Variants in DRC1 observed in about 807,000 individuals in gnomAD.
DRC1 encodes dynein regulatory complex protein 1.
DRC1 carries 74 observed loss-of-function variants against 98.7 expected under a neutral mutation model. The observed-to-expected ratio is 0.75, with a 90% confidence interval of 0.62 to 0.91. DRC1 has a LOEUF of 0.91. Ranked by LOEUF, DRC1 falls within the 40% of genes least tolerant of loss-of-function variation. DRC1 has a pLI of 0.00. For synonymous variants in DRC1, 336 were observed against 334.1 expected (o/e 1.01, Z -0.06); for missense variants, 875 against 886.0 (o/e 0.99, Z 0.16).
intron 10 of DRC1, among the ~76,000 whole-genome samples, chr2:26,445,918 A>G (rs1663839014): frequency 6.6e-6 from 1 of 151,950 alleles, no homozygotes; most frequent in Non-Finnish European, 1.5e-5. Flanking sequence ...TCAGCCTCCC[A>G]AAAGGCTGGA....
chr2:26,402,757 A>T (rs1216280885), intron 1 of DRC1, among the ~76,000 whole-genome samples: 1 of 152,224 alleles, frequency 6.6e-6, no homozygotes, highest in Admixed American at 6.5e-5. Flanking sequence ...ATGACATGGC[A>T]GTCCCTGGGC....
In DRC1 at chr2:26,402,092, C is replaced by CA; in HGVS notation, c.103_104insA (p.Arg35GlnfsTer32). ...GGTCCACTCCGACAACTCTCAGGAG[C>CA]GCATCCAGGCCCGGCGCCTCCGCAT... is the stretch of plus-strand genomic sequence containing the variant. On this transcript the variant is annotated frameshift_variant, in exon 1 of 17. Transcript: ENST00000288710. LOFTEE classifies it high-confidence loss of function. 6.2e-7 allele frequency: 1 copy of CA among 1,612,684 alleles called. No homozygotes were observed. Among genetic ancestry groups the CA allele is most frequent in the Non-Finnish European group, 8.5e-7 (1 of 1,179,608 alleles).
intron 1 of DRC1, among the ~76,000 whole-genome samples, chr2:26,408,875 G>C (rs1351340005): frequency 6.6e-6 from 1 of 152,122 alleles, no homozygotes; most frequent in Non-Finnish European, 1.5e-5. Context: ...CAGTTGTTAA[G>C]CCACACCCTT....
chr2:26,453,276 C>A, intron 13 of DRC1, 44 bp from the exon 14 acceptor site: 5 of 1,607,588 alleles, frequency 3.1e-6, no homozygotes, highest in Non-Finnish European at 4.3e-6. Context: ...CATGCTCATG[C>A]TCGTGTGTCC....
intron 4 of DRC1, among the ~76,000 whole-genome samples, chr2:26,428,807 A>C (rs1256684062): frequency 2.0e-5 from 3 of 152,190 alleles, no homozygotes; most frequent in Non-Finnish European, 4.4e-5. Flanking sequence ...CAAAAAAAAA[A>C]AATACCGTAT....
intron 1 of DRC1, among the ~76,000 whole-genome samples, chr2:26,407,286 C>T (rs1047448588): frequency 1.3e-5 from 2 of 152,094 alleles, no homozygotes; most frequent in Non-Finnish European, 2.9e-5. Flanking sequence ...ATTGTGGATG[C>T]TGGGAAGCAC....
chr2:26,435,724 T>C (rs1663551946), intron 7 of DRC1, among the ~76,000 whole-genome samples: 1 of 152,198 alleles, frequency 6.6e-6, no homozygotes, highest in South Asian at 2.1e-4. Flanking sequence ...GCTCCAATTA[T>C]GTTGCTGCAA....
At position 26,453,451 on chromosome 2, in the gene DRC1, G is replaced by A. The variant is rs1249788161; in HGVS notation, c.1821G>A (p.Lys607=). The part of the protein sequence containing the change: ...EKEESLVEGE[K]EEEEETPPSP... Reference sequence around the variant, plus strand: ...AAGAAAGCCTGGTGGAAGGGGAGAAGGAGGAAGAGGAGGAGACCCCACCCT... The same window carrying A: ...AAGAAAGCCTGGTGGAAGGGGAGAAAGAGGAAGAGGAGGAGACCCCACCCT... The change falls in exon 14 of 17, where the codon AAG becomes AAA. Residue 607 remains lysine (K), a synonymous_variant. Transcript: ENST00000288710. 2 of 1,614,158 alleles carry A rather than the reference G, an allele frequency of 1.2e-6. No homozygotes were observed. Among genetic ancestry groups the A allele is most frequent in the Admixed American group, 1.7e-5 (1 of 60,004 alleles).
At position 26,414,338 on chromosome 2, in the gene DRC1, TCACAGGGAAG is replaced by T. The variant is rs1160871768; in HGVS notation, c.156-2_163del. On this transcript the variant is annotated splice_acceptor_variant and splice_polypyrimidine_tract_variant and coding_sequence_variant and intron_variant, in exon 2 of 17. Coordinates refer to ENST00000288710, the MANE Select transcript of DRC1 (RefSeq NM_145038.5). LOFTEE classifies it high-confidence loss of function. ...ACTTCATTTTCTCTGCTTTTTTCCATCACAGGGAAGCACTTGGAGAATATTTAGATGGGAA... is the reference window on the plus strand; with the variant it reads ...ACTTCATTTTCTCTGCTTTTTTCCATCACTTGGAGAATATTTAGATGGGAA... 1 of 1,613,470 alleles carries T rather than the reference TCACAGGGAAG, an allele frequency of 6.2e-7. No individual in the cohort carries two copies.
rs1475889353 is a variant in DRC1, at chr2:26,444,967, T to A, written c.1396+19T>A. On this transcript the variant is annotated intron_variant, in intron 10 of 16. Transcript: ENST00000288710. Reference sequence around the variant, plus strand: ...CGCTCAGGTGACTAGAACACTGTCATAGAGCCTTAGAGCTGGAGGAGCCCC... The same window carrying A: ...CGCTCAGGTGACTAGAACACTGTCAAAGAGCCTTAGAGCTGGAGGAGCCCC... The A allele has an allele frequency of 5.0e-6, 8 of 1,609,356 alleles. No homozygotes were observed. Among genetic ancestry groups the A allele is most frequent in the East Asian group, 4.5e-5 (2 of 44,812 alleles).
In DRC1 at chr2:26,411,303, T is replaced by C. The variant is rs572566394; in HGVS notation, c.156-3041T>C. Among the ~76,000 whole-genome samples the C allele has an allele frequency of 9.8e-5, 15 of 152,354 alleles. No homozygotes were observed. The South Asian group carries it at 2.9e-3, about 29-fold the overall frequency. The stretch of plus-strand genomic sequence containing the variant: ...GTAAAAACAGAACAGGTGAAATTAA[T>C]AATTTATTTAACCCAATATATAAAA... On this transcript the variant is annotated intron_variant, in intron 1 of 16. Coordinates refer to ENST00000288710, the MANE Select transcript of DRC1 (RefSeq NM_145038.5).
intron 2 of DRC1, among the ~76,000 whole-genome samples, chr2:26,417,689 A>G (rs1468614439): frequency 6.6e-6 from 1 of 152,124 alleles, no homozygotes; most frequent in Non-Finnish European, 1.5e-5. Flanking sequence ...CTACCTAAAA[A>G]CCTGCTGGAA....
rs372413028 is a variant in DRC1 at position 26,455,247 on chromosome 2, C to T, written c.2166+14C>T. 7 of 1,609,210 alleles carry T rather than the reference C, an allele frequency of 4.3e-6. No individual in the cohort carries two copies. Among genetic ancestry groups the T allele is most frequent in the Non-Finnish European group, 5.9e-6 (7 of 1,177,414 alleles). ...CTGAACTCCAAGGTGGGCGGCGGGGCCTTCCAAGGAGGGGCAGCGGGAGAC... is the reference window on the plus strand; with the variant it reads ...CTGAACTCCAAGGTGGGCGGCGGGGTCTTCCAAGGAGGGGCAGCGGGAGAC... On this transcript the variant is annotated intron_variant, in intron 16 of 16. Coordinates refer to ENST00000288710, the MANE Select transcript of DRC1 (RefSeq NM_145038.5).
chr2:26,424,250 C>T, intron 3 of DRC1, 21 bp from the exon 4 acceptor site: 1 of 1,613,184 alleles, frequency 6.2e-7, no homozygotes, highest in Non-Finnish European at 8.5e-7. Context: ...GTTGGCATGG[C>T]TGGCATGTAT....
intron 2 of DRC1, among the ~76,000 whole-genome samples, chr2:26,415,033 G>T (rs1483999969): frequency 6.6e-6 from 1 of 152,148 alleles, no homozygotes; most frequent in East Asian, 1.9e-4. Flanking sequence ...ATAGCTTTCT[G>T]CTGCATATGA....
chr2:26,422,728 C>T (rs6711449), intron 3 of DRC1, among the ~76,000 whole-genome samples: 115,404 of 151,938 alleles, frequency 0.76, 46,131 homozygotes, highest in Non-Finnish European at 0.89. Flanking sequence ...CCAGCTTGGC[C>T]AACATGGTGA....
At chr2:26,405,731 G>T (rs1678402495) in intron 1 of DRC1, among the ~76,000 whole-genome samples, 1 of 137,484 alleles carries the variant, frequency 7.3e-6, no homozygotes, top group South Asian at 2.3e-4. Context: ...CGCAGTCTTG[G>T]CTTACTGCAA....
chr2:26,449,512 C>G (rs114552316), intron 11 of DRC1, among the ~76,000 whole-genome samples: 41 of 152,372 alleles, frequency 2.7e-4, no homozygotes, highest in African/African-American at 9.6e-4. Flanking sequence ...TCAGAGCGGG[C>G]ACCGCATCTG....
intron 13 of DRC1, among the ~76,000 whole-genome samples, chr2:26,451,447 A>G (rs1165773674): frequency 3.3e-5 from 5 of 152,264 alleles, no homozygotes; most frequent in Non-Finnish European, 7.3e-5. Flanking sequence ...TAATTTAAAA[A>G]TGAAAAATGT....
Sources: gnomAD v4.1 joint callset for allele counts (sites outside exome capture counted in the v4.1 genomes callset) on GRCh38, gnomAD v4.1.1 for gene constraint, MANE v1.5 for transcripts, NCBI Gene and HGNC (gene_info 2026-07-23, HGNC 2026-07-21) for gene names.